Variants in PARD3B observed in about 807,000 individuals in gnomAD.
PARD3B encodes par-3 family cell polarity regulator beta.
PARD3B carries 103 observed loss-of-function variants against 130.2 expected under a neutral mutation model. That is an observed-to-expected ratio of 0.79 (90% CI 0.67 to 0.93). The LOEUF is 0.93. PARD3B is among the 40% of genes least tolerant of loss of function. The pLI, the probability that PARD3B is intolerant of heterozygous loss-of-function variation, is 0.00. For missense variants in PARD3B, 1,609 were observed against 1,499.2 expected (o/e 1.07, Z -1.21); for synonymous variants, 583 against 553.2 (o/e 1.05, Z -0.76).
chr2:205,421,046 CAGGAGAA>C lies in PARD3B; in HGVS notation c.2742-19323_2742-19317del, dbSNP rs1384689826. Among the ~76,000 whole-genome samples, 26 of 152,106 alleles carry C rather than the reference CAGGAGAA, an allele frequency of 1.7e-4. No individual in the cohort carries two copies. The highest frequency in any genetic ancestry group is 5.8e-4 in the African/African-American group (24 of 41,478). On this transcript the variant is annotated intron_variant, in intron 19 of 22. Coordinates refer to ENST00000406610, the MANE Select transcript of PARD3B (RefSeq NM_001302769.2). This position sits in a 1 kb window ranked among gnomAD's most constrained non-coding sequence, Gnocchi z 5.1. ...GTCCCAGCTACTCGGGGGGCCAAGG[CAGGAGAA>C]TCACTTGAACCCGGAGGGAGTGAGC...
intron 2 of PARD3B, among the ~76,000 whole-genome samples, chr2:204,761,304 C>T (rs1013159934): frequency 2.6e-5 from 4 of 152,142 alleles, no homozygotes; most frequent in African/African-American, 9.7e-5. Flanking sequence ...ATGGGAATAA[C>T]CACATTTTAT....
rs13421999 is a variant in PARD3B at position 205,021,340 on chromosome 2, A to G, written c.395-26241A>G. On this transcript the variant is annotated intron_variant, in intron 3 of 22. Coordinates refer to ENST00000406610, the MANE Select transcript of PARD3B (RefSeq NM_001302769.2). The surrounding 1 kb of genome is among the most constrained non-coding windows in gnomAD (Gnocchi z 4.5). ...ATAATAATTTAGACATTGTTTTGGA[A>G]TGATAAAGTTTATTGTACATGGTAA... is the stretch of plus-strand genomic sequence containing the variant. 0.017 allele frequency among the ~76,000 whole-genome samples: 2,662 copies of G among 152,262 alleles called. 39 individuals carry two copies. The highest frequency in any genetic ancestry group is 0.04 in the African/African-American group (1,665 of 41,556).
intron 2 of PARD3B, among the ~76,000 whole-genome samples, chr2:204,703,854 C>G (rs1370528108): frequency 6.6e-6 from 1 of 151,910 alleles, no homozygotes; most frequent in African/African-American, 2.4e-5. Context: ...AATTAGATGC[C>G]ACAATGTAGG....
intron 3 of PARD3B, among the ~76,000 whole-genome samples, chr2:205,035,827 ATCTATATATATATATATAGTGGGC>A (rs1697810093): frequency 3.7e-5 from 1 of 27,042 alleles, no homozygotes; most frequent in East Asian, 1.6e-3. Flanking sequence ...ATATCTATAT[ATCTATATATATATATATAGTGGGC>A]TATATATATA....
At chr2:204,913,789 G>A (rs2047339207) in intron 2 of PARD3B, among the ~76,000 whole-genome samples, 1 of 152,190 alleles carries the variant, frequency 6.6e-6, no homozygotes, top group Non-Finnish European at 1.5e-5. Flanking sequence ...TTTGTTCAAT[G>A]TATGTGTATT....
chr2:205,133,174 G>T lies in PARD3B; in HGVS notation c.1434+7437G>T, dbSNP rs142921432. Reference sequence around the variant, plus strand: ...TTTCCATGTAAATGACAGCTTCAGTGGTTTAAGTTACCATGATGACATTTG... The same window carrying T: ...TTTCCATGTAAATGACAGCTTCAGTTGTTTAAGTTACCATGATGACATTTG... On this transcript the variant is annotated intron_variant, in intron 10 of 22. Coordinates refer to ENST00000406610, the MANE Select transcript of PARD3B (RefSeq NM_001302769.2). Among the ~76,000 whole-genome samples the T allele has an allele frequency of 4.1e-3, 629 of 152,232 alleles. 4 individuals are homozygous for T. The highest frequency in any genetic ancestry group is 6.0e-3 in the South Asian group (29 of 4,820).
At chr2:204,645,320 C>G (rs1399833136) in intron 1 of PARD3B, among the ~76,000 whole-genome samples, 1 of 152,044 alleles carries the variant, frequency 6.6e-6, no homozygotes, top group Admixed American at 6.6e-5. Flanking sequence ...TAAAGTGTGT[C>G]CATTGACAGT....
chr2:205,246,836 T>C (rs2039593459), intron 16 of PARD3B, among the ~76,000 whole-genome samples: 1 of 152,164 alleles, frequency 6.6e-6, no homozygotes, highest in African/African-American at 2.4e-5. Context: ...TTAGATTTTT[T>C]TTTCTTGCTT....
At chr2:204,581,654 C>T (rs1474652793) in intron 1 of PARD3B, among the ~76,000 whole-genome samples, 1 of 152,064 alleles carries the variant, frequency 6.6e-6, no homozygotes, top group Non-Finnish European at 1.5e-5. Context: ...ACCATATATA[C>T]CATACCAGGG....
intron 1 of PARD3B, among the ~76,000 whole-genome samples, chr2:204,682,615 A>G (rs1170417544): frequency 1.3e-5 from 2 of 152,222 alleles, no homozygotes; most frequent in Non-Finnish European, 2.9e-5. Context: ...AACCAGTTGC[A>G]TGGCTGAGAA....
chr2:204,731,410 T>C (rs367655463), intron 2 of PARD3B, among the ~76,000 whole-genome samples: 1 of 152,060 alleles, frequency 6.6e-6, no homozygotes, highest in Admixed American at 6.5e-5. Context: ...CAAAGTTGGA[T>C]TGCATTTTAT....
intron 2 of PARD3B, among the ~76,000 whole-genome samples, chr2:204,749,647 T>G (rs2040383762): frequency 6.6e-6 from 1 of 152,184 alleles, no homozygotes; most frequent in South Asian, 2.1e-4. Flanking sequence ...ATATTTCTCC[T>G]TGGTTCTCGA....
intron 1 of PARD3B, among the ~76,000 whole-genome samples, chr2:204,593,536 GACTA>G (rs968188876): frequency 3.9e-5 from 6 of 152,272 alleles, no homozygotes; most frequent in African/African-American, 1.2e-4. Flanking sequence ...GCTCTCCCAA[GACTA>G]ACTAATATCC....
intron 4 of PARD3B, among the ~76,000 whole-genome samples, chr2:205,076,630 C>G (rs1275893831): frequency 1.3e-5 from 2 of 152,138 alleles, no homozygotes. Flanking sequence ...CGCTCAGGCT[C>G]CTGTCACATC....
intron 18 of PARD3B, among the ~76,000 whole-genome samples, chr2:205,319,559 G>A (rs1323150405): frequency 6.6e-6 from 1 of 152,146 alleles, no homozygotes; most frequent in Non-Finnish European, 1.5e-5. Flanking sequence ...TAGACTACCT[G>A]GCTGACCTCT....
intron 10 of PARD3B, among the ~76,000 whole-genome samples, chr2:205,157,285 A>G (rs901600817): frequency 2.0e-5 from 3 of 152,202 alleles, no homozygotes; most frequent in East Asian, 3.8e-4. Flanking sequence ...TGGCATTCCA[A>G]TGGAAATTGG....
Position 205,287,777 on chromosome 2 carries a change from G to A in PARD3B, c.2186-12753G>A, listed in dbSNP as rs979972090. 2.0e-5 allele frequency among the ~76,000 whole-genome samples: 3 copies of A among 152,150 alleles called. No individual in the cohort carries two copies. Among genetic ancestry groups the A allele is most frequent in the South Asian group, 2.1e-4 (1 of 4,820 alleles). ...TGACACTCTTGCTGTTTCTCTGTGC[G>A]CTTCTCTGAGGTAGAGTAAAGCAAG... On this transcript the variant is annotated intron_variant, in intron 16 of 22. Coordinates refer to ENST00000406610, the MANE Select transcript of PARD3B (RefSeq NM_001302769.2). This position sits in a 1 kb window ranked among gnomAD's most constrained non-coding sequence, Gnocchi z 4.8.
In PARD3B at chr2:205,446,180, G is replaced by C. The variant is rs2047900768; in HGVS notation, c.3044+5508G>C. Among the ~76,000 whole-genome samples the C allele has an allele frequency of 6.6e-6, 1 of 152,134 alleles. No homozygotes were observed. Among genetic ancestry groups the C allele is most frequent in the African/African-American group, 2.4e-5 (1 of 41,428 alleles). On this transcript the variant is annotated intron_variant, in intron 20 of 22. Coordinates refer to ENST00000406610, the MANE Select transcript of PARD3B (RefSeq NM_001302769.2). The surrounding 1 kb of genome is among the most constrained non-coding windows in gnomAD (Gnocchi z 4.4). The stretch of plus-strand genomic sequence containing the variant: ...ACCTGGTGGGAGGGGTAAATGGAAA[G>C]AGAGAACATGGGATGGCCTCAGAGC...
chr2:205,295,729 G>T (rs4673317), intron 16 of PARD3B, among the ~76,000 whole-genome samples: 125,024 of 152,050 alleles, frequency 0.82, 51,785 homozygotes, highest in South Asian at 0.9. Context: ...TAATGCTAAA[G>T]TGGGAAGTTC....
Sources: allele counts gnomAD v4.1 joint callset (sites outside exome capture counted in the v4.1 genomes callset), GRCh38; gene constraint gnomAD v4.1.1; non-coding constraint Gnocchi (gnomAD v3.1); transcripts MANE v1.5; gene names NCBI Gene and HGNC (gene_info 2026-07-23, HGNC 2026-07-21).